Variants in NALF1 observed in about 807,000 individuals in gnomAD.
The protein encoded by NALF1 is NALCN channel auxiliary factor 1.
A neutral mutation model predicts 48.4 loss-of-function variants in NALF1; 3 were observed. The observed-to-expected ratio is 0.06, with a 90% CI of 0.03 to 0.16. The LOEUF (loss-of-function observed/expected upper bound fraction) is 0.16. Among genes scored for constraint, NALF1 ranks in the 10% least tolerant of loss-of-function variants. NALF1 has a pLI of 1.00. For synonymous variants in NALF1, 262 were observed against 245.7 expected (o/e 1.07, Z -0.62); for missense variants, 526 against 571.5 (o/e 0.92, Z 0.81).
intron 1 of NALF1, among the ~76,000 whole-genome samples, chr13:107,330,638 TG>T (rs1882451772): frequency 6.6e-6 from 1 of 152,244 alleles, no homozygotes; most frequent in Non-Finnish European, 1.5e-5. Context: ...ACTCTAGTCC[TG>T]TGCATTTTTG....
At chr13:107,630,970 A>C (rs1239227034) in intron 1 of NALF1, among the ~76,000 whole-genome samples, 1 of 152,066 alleles carries the variant, frequency 6.6e-6, no homozygotes, top group Non-Finnish European at 1.5e-5. Context: ...TGTTGGAAAA[A>C]TAGCATTTTT....
At chr13:107,238,893 C>T (rs952755284) in intron 1 of NALF1, among the ~76,000 whole-genome samples, 3 of 151,892 alleles carry the variant, frequency 2.0e-5, no homozygotes, top group East Asian at 1.9e-4. Flanking sequence ...AAAGGGGGAC[C>T]GTTATTCAGA....
chr13:107,503,185 G>T (rs1875576453), intron 1 of NALF1, among the ~76,000 whole-genome samples: 1 of 152,136 alleles, frequency 6.6e-6, no homozygotes, highest in African/African-American at 2.4e-5. Context: ...ATTCTTTAAG[G>T]CATTTGAAAC....
intron 1 of NALF1, among the ~76,000 whole-genome samples, chr13:107,818,901 G>A (rs891377736): frequency 2.1e-5 from 3 of 140,452 alleles, no homozygotes; most frequent in Non-Finnish European, 4.7e-5. Context: ...AAAAAATCCA[G>A]TTGAGCAAAT....
At chr13:107,630,975 A>AT (rs1441621450) in intron 1 of NALF1, among the ~76,000 whole-genome samples, 1 of 151,964 alleles carries the variant, frequency 6.6e-6, no homozygotes, top group Non-Finnish European at 1.5e-5. Flanking sequence ...GAAAAATAGC[A>AT]TTTTTTCTTA....
chr13:107,279,869 C>T (rs150596367), intron 1 of NALF1, among the ~76,000 whole-genome samples: 4 of 152,292 alleles, frequency 2.6e-5, no homozygotes, highest in Middle Eastern at 3.4e-3. Flanking sequence ...GGAAATCATT[C>T]TTCCCAACGT....
At chr13:107,442,644 C>T (rs1481905956) in intron 1 of NALF1, among the ~76,000 whole-genome samples, 1 of 152,188 alleles carries the variant, frequency 6.6e-6, no homozygotes, top group African/African-American at 2.4e-5. Flanking sequence ...TGTCCTCCAG[C>T]AAACCTTTTG....
In NALF1 at chr13:107,866,767, TCTCC is replaced by T; in HGVS notation, c.-175_-172del. The T allele has an allele frequency of 6.7e-6, 4 of 599,220 alleles. No individual in the cohort carries two copies. The highest frequency in any genetic ancestry group is 2.1e-5 in the South Asian group (1 of 48,632). 37.1% of individuals were successfully genotyped at this position (599,220 alleles called of 1,614,324 possible). ...CCTCTCCCTCTCTCCTCTCTCTCTC[TCTCC>T]CTCTCCCTCTCTTTTATCTCTCTCT... On this transcript the variant is annotated 5_prime_UTR_variant, in exon 1 of 3. Coordinates refer to ENST00000375915, the MANE Select transcript of NALF1 (RefSeq NM_001080396.3). The surrounding 1 kb of genome is among the most constrained non-coding windows in gnomAD (Gnocchi z 4.4).
chr13:107,665,556 A>T (rs906754677), intron 1 of NALF1, among the ~76,000 whole-genome samples: 1 of 152,136 alleles, frequency 6.6e-6, no homozygotes, highest in African/African-American at 2.4e-5. Context: ...TTCTACAGAA[A>T]ATATATTTCC....
intron 1 of NALF1, among the ~76,000 whole-genome samples, chr13:107,530,026 T>C (rs1876574882): frequency 6.6e-6 from 1 of 152,132 alleles, no homozygotes; most frequent in South Asian, 2.1e-4. Flanking sequence ...GCAAGGGTTC[T>C]ATAGCTAACT....
At chr13:107,232,921 G>A (rs1394732597) in intron 1 of NALF1, among the ~76,000 whole-genome samples, 2 of 152,020 alleles carry the variant, frequency 1.3e-5, no homozygotes, top group African/African-American at 2.4e-5. Flanking sequence ...ATGGATACAC[G>A]AACTGAGACT....
chr13:107,862,852 T>C (rs1880612527), intron 1 of NALF1, among the ~76,000 whole-genome samples: 2 of 151,778 alleles, frequency 1.3e-5, no homozygotes, highest in African/African-American at 4.8e-5. Flanking sequence ...GGGCAGAATA[T>C]GTAACCGGAA....
intron 1 of NALF1, among the ~76,000 whole-genome samples, chr13:107,820,611 A>G (rs1456421213): frequency 1.3e-5 from 2 of 152,176 alleles, no homozygotes; most frequent in Non-Finnish European, 2.9e-5. Context: ...TTTCCAAATG[A>G]ATATTGGGAG....
chr13:107,641,143 C>A (rs1011692453), intron 1 of NALF1, among the ~76,000 whole-genome samples: 3 of 152,022 alleles, frequency 2.0e-5, no homozygotes, highest in Non-Finnish European at 2.9e-5. Context: ...GTTAAGTGAA[C>A]TATTTTAAGA....
chr13:107,829,779 CT>C (rs372613845), intron 1 of NALF1, among the ~76,000 whole-genome samples: 203 of 152,198 alleles, frequency 1.3e-3, no homozygotes, highest in African/African-American at 4.5e-3. Context: ...CATTTCTATA[CT>C]TTTTACAATT....
In NALF1 at chr13:107,791,962, A is replaced by AAACAACAAC. The variant is rs368788815; in HGVS notation, c.915+73711_915+73719dup. Among the ~76,000 whole-genome samples, 192 of 152,328 alleles carry AAACAACAAC rather than the reference A, an allele frequency of 1.3e-3. 2 individuals are homozygous for AAACAACAAC. The highest frequency in any genetic ancestry group is 4.2e-3 in the African/African-American group (173 of 41,574). ...TGAACAAGAGCTAAACTCCATCTCA[A>AAACAACAAC]AACAACAACAACAGACTCTACAAAT... On this transcript the variant is annotated intron_variant, in intron 1 of 2. Coordinates refer to ENST00000375915, the MANE Select transcript of NALF1 (RefSeq NM_001080396.3).
At chr13:107,323,859 A>G (rs1453945235) in intron 1 of NALF1, among the ~76,000 whole-genome samples, 1 of 152,136 alleles carries the variant, frequency 6.6e-6, no homozygotes, top group Non-Finnish European at 1.5e-5. Context: ...TTCTCTAGGA[A>G]TCCAGGACTT....
At chr13:107,271,920 G>A (rs916024878) in intron 1 of NALF1, among the ~76,000 whole-genome samples, 4 of 150,506 alleles carry the variant, frequency 2.7e-5, no homozygotes, top group African/African-American at 9.8e-5. Flanking sequence ...GAATTAATAT[G>A]AGCACATAAC....
chr13:107,687,673 T>C (rs2138501678), intron 1 of NALF1, among the ~76,000 whole-genome samples: 1 of 152,348 alleles, frequency 6.6e-6, no homozygotes, highest in East Asian at 1.9e-4. Context: ...AGAGCAACAC[T>C]GTTCAATACT....
Sources: allele counts gnomAD v4.1 joint callset (sites outside exome capture counted in the v4.1 genomes callset), GRCh38; gene constraint gnomAD v4.1.1; non-coding constraint Gnocchi (gnomAD v3.1); transcripts MANE v1.5; gene names NCBI Gene and HGNC (gene_info 2026-07-23, HGNC 2026-07-21).